The following CAPN13 variants were observed in gnomAD, a reference collection of about 807,000 sequenced individuals.
CAPN13 encodes the protein calpain 13, also known as calpain-13.
A neutral mutation model predicts 98.4 loss-of-function variants in CAPN13; 90 were observed. The ratio of observed to expected loss-of-function variants is 0.92; its 90% confidence interval spans 0.77 to 1.09. The LOEUF is 1.09. Among genes scored for constraint, CAPN13 ranks in the 50% least tolerant of loss-of-function variants. The pLI is 0.00. For synonymous variants in CAPN13, 330 were observed against 305.5 expected (o/e 1.08, Z -0.84); for missense variants, 887 against 841.3 (o/e 1.05, Z -0.67).
chr2:30,727,212 G>A (rs899278589), intron 22 of CAPN13, among the ~76,000 whole-genome samples: 1 of 152,152 alleles, frequency 6.6e-6, no homozygotes, highest in Admixed American at 6.5e-5. Flanking sequence ...CTAAATGTAA[G>A]AGCTAAACTA....
intron 2 of CAPN13, among the ~76,000 whole-genome samples, chr2:30,779,984 CA>C (rs1673905292): frequency 6.6e-6 from 1 of 152,018 alleles, no homozygotes; most frequent in Non-Finnish European, 1.5e-5. Flanking sequence ...TTAAAAATTG[CA>C]TTTTAGAAAT....
intron 10 of CAPN13, among the ~76,000 whole-genome samples, chr2:30,752,695 C>T (rs776059518): frequency 1.3e-5 from 2 of 152,204 alleles, no homozygotes; most frequent in African/African-American, 4.8e-5. Context: ...AGGGTCCAAC[C>T]TAGGCCCTGA....
intron 11 of CAPN13, among the ~76,000 whole-genome samples, chr2:30,745,938 T>C (rs1314822800): frequency 4.3e-5 from 6 of 137,956 alleles, no homozygotes; most frequent in Non-Finnish European, 6.1e-5. Flanking sequence ...TCTCGCTCTG[T>C]CACCCAGGCT....
chr2:30,754,462 C>T, intron 8 of CAPN13, 98 bp from the exon 9 acceptor site: 1 of 958,606 alleles, frequency 1.0e-6, no homozygotes, highest in South Asian at 2.0e-5. Flanking sequence ...TGTCACCATT[C>T]CTGGGGAGCA....
At chr2:30,799,779 G>C (rs937351390) in intron 1 of CAPN13, among the ~76,000 whole-genome samples, 59 of 152,122 alleles carry the variant, frequency 3.9e-4, no homozygotes, top group Non-Finnish European at 2.9e-5. Flanking sequence ...TTCAGATGTA[G>C]AAAGCTACAC....
At chr2:30,784,497 CA>C (rs1192519915) in intron 2 of CAPN13, among the ~76,000 whole-genome samples, 8 of 152,306 alleles carry the variant, frequency 5.3e-5, no homozygotes, top group Admixed American at 5.2e-4. Flanking sequence ...GTACAGGTGC[CA>C]TTTTTATCCC....
chr2:30,795,574 C>T (rs1246627185), intron 1 of CAPN13, among the ~76,000 whole-genome samples: 1 of 152,048 alleles, frequency 6.6e-6, no homozygotes, highest in African/African-American at 2.4e-5. Flanking sequence ...AATGAATATT[C>T]ATATTTTGTG....
At chr2:30,798,056 G>A (rs1163238262) in intron 1 of CAPN13, among the ~76,000 whole-genome samples, 1 of 152,242 alleles carries the variant, frequency 6.6e-6, no homozygotes, top group Non-Finnish European at 1.5e-5. Context: ...GGGGAAGAGT[G>A]ATTTTGATTA....
chr2:30,800,673 A>G lies in CAPN13; in HGVS notation c.-33+6629T>C, dbSNP rs116049980. ...GACAACAGGTTCTTATGTAGCCTCA[A>G]TGATACTGTTAGACAATAAAATAGG... On this transcript the variant is annotated intron_variant, in intron 1 of 22. Transcript: ENST00000295055. 4.1e-3 allele frequency among the ~76,000 whole-genome samples: 620 copies of G among 152,298 alleles called. 2 individuals carry two copies. The highest frequency in any genetic ancestry group is 0.014 in the African/African-American group (576 of 41,566).
chr2:30,747,825 T>G (rs1405623957), intron 11 of CAPN13, among the ~76,000 whole-genome samples: 3 of 152,326 alleles, frequency 2.0e-5, no homozygotes, highest in East Asian at 3.9e-4. Flanking sequence ...TCTTTGACAT[T>G]TAACTCAATC....
chr2:30,756,946 G>T (rs528073378), intron 8 of CAPN13, among the ~76,000 whole-genome samples: 1 of 152,280 alleles, frequency 6.6e-6, no homozygotes, highest in South Asian at 2.1e-4. Flanking sequence ...AGTGCCCAGG[G>T]GTGCCAAGGT....
chr2:30,768,071 A>G (rs1673198301), intron 5 of CAPN13, among the ~76,000 whole-genome samples: 1 of 152,174 alleles, frequency 6.6e-6, no homozygotes, highest in African/African-American at 2.4e-5. Flanking sequence ...TTTATCTGCT[A>G]GCAATGATCC....
At chr2:30,802,449 ATGTGTGTGTGTGTATGTGTGTGTG>A (rs1027093237) in intron 1 of CAPN13, among the ~76,000 whole-genome samples, 3 of 133,188 alleles carry the variant, frequency 2.3e-5, no homozygotes, top group Non-Finnish European at 4.8e-5. Context: ...GGAGCTTAGA[ATGTGTGTGTGTGTATGTGTGTGTG>A]TGTGTGTGTG....
intron 18 of CAPN13, 56 bp downstream of exon 18, chr2:30,736,447 A>C: frequency 6.4e-7 from 1 of 1,552,700 alleles, no homozygotes; most frequent in Non-Finnish European, 8.9e-7. Context: ...GACACCCAGT[A>C]AATCCTTGCT....
Position 30,777,569 on chromosome 2 carries a change from G to C in CAPN13, c.269C>G (p.Ala90Gly). ...ISRFDIQQGG[A>G]ADCWFLAALG... ...GAGGGAAGATGTTGCACTCTTACCT[G>C]CGCCTCCTTGTTGGATGTCAAATCT... is the stretch of plus-strand genomic sequence containing the variant. Residue 90 changes from alanine to glycine, a missense_variant and splice_region_variant, in exon 3 of 23, where the codon GCA (alanine) becomes GGA (glycine). Physicochemically the swap from Ala to Gly is moderately conservative, Grantham distance 60. Coordinates refer to ENST00000295055, the MANE Select transcript of CAPN13 (RefSeq NM_144575.3). 2 of 1,573,410 alleles carry C rather than the reference G, an allele frequency of 1.3e-6. No homozygotes were observed. The highest frequency in any genetic ancestry group is 1.7e-6 in the Non-Finnish European group (2 of 1,157,762).
chr2:30,806,302 GC>G (rs2148126865), intron 1 of CAPN13: 1 of 152,192 alleles, frequency 6.6e-6, no homozygotes, highest in African/African-American at 2.4e-5. Flanking sequence ...GCTATATATA[GC>G]TTTTGCCTAT....
At chr2:30,765,960 A>G (rs1393749853) in intron 5 of CAPN13, among the ~76,000 whole-genome samples, 4 of 152,144 alleles carry the variant, frequency 2.6e-5, no homozygotes, top group African/African-American at 9.7e-5. Context: ...TGCTCAGTTA[A>G]CTGTAGAGCC....
At chr2:30,758,464 CG>C (rs1558314154) in intron 7 of CAPN13, among the ~76,000 whole-genome samples, 1 of 152,182 alleles carries the variant, frequency 6.6e-6, no homozygotes, top group Non-Finnish European at 1.5e-5. Context: ...GATGTTGCTT[CG>C]GGCTGCAGAG....
At chr2:30,770,883 G>T (rs1247613199) in intron 4 of CAPN13, among the ~76,000 whole-genome samples, 2 of 152,226 alleles carry the variant, frequency 1.3e-5, no homozygotes, top group Admixed American at 1.3e-4. Context: ...GGAGCTGAGG[G>T]CTTGAAGGAA....
Sources: allele counts gnomAD v4.1 joint callset (sites outside exome capture counted in the v4.1 genomes callset), GRCh38; gene constraint gnomAD v4.1.1; transcripts MANE v1.5; gene names NCBI Gene and HGNC (gene_info 2026-07-23, HGNC 2026-07-21).